ATP8B4: variants seen among roughly 807,000 people sequenced by gnomAD.
ATP8B4 encodes the protein ATPase phospholipid transporting 8B4 (putative).
Under a neutral mutation model 145.6 loss-of-function variants are expected in ATP8B4, and 133 were observed. The ratio of observed to expected loss-of-function variants is 0.91; its 90% CI spans 0.79 to 1.05. ATP8B4 has a LOEUF of 1.05. Ranked by LOEUF, ATP8B4 falls within the 50% of genes least tolerant of loss-of-function variation. The pLI, the probability that ATP8B4 is intolerant of heterozygous loss-of-function variation, is 0.00. For missense variants in ATP8B4, 1,458 were observed against 1,425.2 expected (o/e 1.02, Z -0.37); for synonymous variants, 507 against 492.9 (o/e 1.03, Z -0.38).
At chr15:50,085,292 T>C (rs2054824394) in intron 2 of ATP8B4, among the ~76,000 whole-genome samples, 1 of 152,076 alleles carries the variant, frequency 6.6e-6, no homozygotes, top group Admixed American at 6.6e-5. Flanking sequence ...AAGTCAAATA[T>C]TTTAGCCACA....
At chr15:49,890,522 C>T (rs1262770240) in intron 23 of ATP8B4, among the ~76,000 whole-genome samples, 1 of 152,140 alleles carries the variant, frequency 6.6e-6, no homozygotes, top group Non-Finnish European at 1.5e-5. Context: ...GTCTCATCAC[C>T]CAACACATGG....
chr15:49,903,180 G>A (rs1359228458), intron 20 of ATP8B4, among the ~76,000 whole-genome samples: 1 of 152,254 alleles, frequency 6.6e-6, no homozygotes, highest in East Asian at 1.9e-4. Context: ...CTCTGTAGCT[G>A]TCATTTCTTT....
chr15:50,121,147 C>A (rs1449681867), upstream of ATP8B4, among the ~76,000 whole-genome samples: 3 of 152,108 alleles, frequency 2.0e-5, no homozygotes, highest in Non-Finnish European at 4.4e-5. Flanking sequence ...TGTTTATTGT[C>A]TCCCTCCCAC....
chr15:50,106,744 G>T (rs544169368), intron 2 of ATP8B4, among the ~76,000 whole-genome samples, 195 bp downstream of exon 2: 1 of 152,202 alleles, frequency 6.6e-6, no homozygotes, highest in East Asian at 1.9e-4. Context: ...AACTTTCTGG[G>T]GTGATAGAAA....
intron 7 of ATP8B4, among the ~76,000 whole-genome samples, chr15:50,002,789 G>A (rs1289437250): frequency 6.6e-6 from 1 of 152,124 alleles, no homozygotes; most frequent in African/African-American, 2.4e-5. Flanking sequence ...AGGGACTAAG[G>A]AAAACAGCAA....
intron 13 of ATP8B4, among the ~76,000 whole-genome samples, chr15:49,962,393 GCCAATTCTT>G (rs1449390716): frequency 6.6e-6 from 1 of 152,116 alleles, no homozygotes; most frequent in Non-Finnish European, 1.5e-5. Flanking sequence ...TCCTTGCCAG[GCCAATTCTT>G]CCCAATGCAG....
intron 10 of ATP8B4, among the ~76,000 whole-genome samples, chr15:49,981,669 C>G (rs1340296346): frequency 6.6e-6 from 1 of 152,086 alleles, no homozygotes; most frequent in Non-Finnish European, 1.5e-5. Context: ...GCAACAAACA[C>G]AATTCAGAAC....
rs142243765 is a variant in ATP8B4 at position 50,020,592 on chromosome 15, T to C, written c.363-9675A>G. Among the ~76,000 whole-genome samples the C allele has an allele frequency of 3.2e-4, 48 of 152,254 alleles. No homozygotes were observed. The East Asian group carries it at 9.1e-3, about 29-fold the overall frequency. On this transcript the variant is annotated intron_variant, in intron 6 of 27. Coordinates refer to ENST00000284509, the MANE Select transcript of ATP8B4 (RefSeq NM_024837.4). ...ACACCTCTCCCCTAAGCTTCAGTAA[T>C]GCATTCCTCTACAGAATGACTAATA...
At chr15:49,905,395 T>A (rs1258769232) in intron 20 of ATP8B4, among the ~76,000 whole-genome samples, 2 of 152,216 alleles carry the variant, frequency 1.3e-5, no homozygotes, top group East Asian at 3.8e-4. Flanking sequence ...AAATTTATGA[T>A]TTCAATATTT....
intron 6 of ATP8B4, among the ~76,000 whole-genome samples, chr15:50,021,122 A>G (rs1485465895): frequency 1.6e-5 from 1 of 63,996 alleles, no homozygotes; most frequent in African/African-American, 6.7e-5. Context: ...TGATTATGAT[A>G]GATAGATAGA....
At chr15:49,930,810 A>G (rs1211227800) in intron 16 of ATP8B4, among the ~76,000 whole-genome samples, 1 of 152,074 alleles carries the variant, frequency 6.6e-6, no homozygotes, top group Non-Finnish European at 1.5e-5. Flanking sequence ...TGTTGGGACA[A>G]TTGAATAAAT....
At chr15:49,937,381 T>C (rs966408910) in intron 14 of ATP8B4, among the ~76,000 whole-genome samples, 4 of 152,156 alleles carry the variant, frequency 2.6e-5, no homozygotes, top group African/African-American at 9.7e-5. Context: ...ATGTGCTATG[T>C]TTATACTGAA....
At chr15:50,060,140 C>A (rs771064162) in intron 3 of ATP8B4, among the ~76,000 whole-genome samples, 2 of 152,128 alleles carry the variant, frequency 1.3e-5, no homozygotes, top group Non-Finnish European at 2.9e-5. Flanking sequence ...AGGAAATTTT[C>A]TGATTCCAGA....
At chr15:50,171,122 A>G (rs113860083) in intron 1 of ATP8B4, among the ~76,000 whole-genome samples, 13,736 of 152,248 alleles carry the variant, frequency 0.09, 828 homozygotes, top group African/African-American at 0.16. Flanking sequence ...GGGGACTTCA[A>G]TACTCCACTG....
intron 8 of ATP8B4, among the ~76,000 whole-genome samples, chr15:49,997,562 C>G (rs189371447): frequency 6.6e-6 from 1 of 152,074 alleles, no homozygotes; most frequent in Non-Finnish European, 1.5e-5. Context: ...ATACCCTAGT[C>G]ACCCAAGATA....
chr15:49,898,981 T>C (rs532164103), intron 21 of ATP8B4, among the ~76,000 whole-genome samples: 270 of 152,322 alleles, frequency 1.8e-3, no homozygotes, highest in Non-Finnish European at 3.4e-3. Flanking sequence ...CTGTAAATTA[T>C]TTAATAAACA....
At chr15:49,940,050 C>G (rs542390219) in intron 14 of ATP8B4, among the ~76,000 whole-genome samples, 3 of 152,120 alleles carry the variant, frequency 2.0e-5, no homozygotes, top group Non-Finnish European at 4.4e-5. Flanking sequence ...TACTGGGTAT[C>G]TACCCAAAAG....
intron 2 of ATP8B4, among the ~76,000 whole-genome samples, chr15:50,078,809 T>G (rs2054354991): frequency 6.6e-6 from 1 of 152,144 alleles, no homozygotes; most frequent in African/African-American, 2.4e-5. Context: ...AATATGACAT[T>G]TCTCATCAGC....
intron 1 of ATP8B4, among the ~76,000 whole-genome samples, chr15:50,178,678 T>A (rs1342964242): frequency 6.6e-6 from 1 of 152,198 alleles, no homozygotes; most frequent in African/African-American, 2.4e-5. Flanking sequence ...CTGTACTTTT[T>A]ATGTGTTGGT....
Sources: gnomAD v4.1 joint callset for allele counts (sites outside exome capture counted in the v4.1 genomes callset) on GRCh38, gnomAD v4.1.1 for gene constraint, MANE v1.5 for transcripts, NCBI Gene and HGNC (gene_info 2026-07-23, HGNC 2026-07-21) for gene names.